Variants in MCTP1 observed in about 807,000 individuals in gnomAD.
MCTP1 encodes the protein multiple C2 and transmembrane domain-containing protein 1.
Under a neutral mutation model 120.6 loss-of-function variants are expected in MCTP1, and 69 were observed. The ratio of observed to expected loss-of-function variants is 0.57; its 90% CI spans 0.47 to 0.70. The LOEUF (loss-of-function observed/expected upper bound fraction) is 0.70. Ranked by LOEUF, MCTP1 falls within the 30% of genes least tolerant of loss-of-function variation. The pLI, the probability that MCTP1 is intolerant of heterozygous loss-of-function variation, is 0.00. For synonymous variants in MCTP1, 529 were observed against 493.1 expected, an observed-to-expected ratio of 1.07 and a Z score of -0.96; for missense variants, 1,203 against 1,248.8, an observed-to-expected ratio of 0.96 and a Z score of 0.55.
chr5:95,243,893 G>C (rs1756450639), intron 1 of MCTP1, among the ~76,000 whole-genome samples: 1 of 152,174 alleles, frequency 6.6e-6, no homozygotes, highest in Non-Finnish European at 1.5e-5. Flanking sequence ...CAAGACAATG[G>C]TGATACCATT....
At chr5:94,902,954 T>C (rs1467098404) in intron 10 of MCTP1, among the ~76,000 whole-genome samples, 1 of 152,198 alleles carries the variant, frequency 6.6e-6, no homozygotes, top group East Asian at 1.9e-4. Context: ...TTTTAAAATA[T>C]TACAATGAGT....
intron 19 of MCTP1, among the ~76,000 whole-genome samples, chr5:94,733,089 A>G (rs1763439429): frequency 6.6e-6 from 1 of 152,228 alleles, no homozygotes; most frequent in South Asian, 2.1e-4. Context: ...TTATTATTTA[A>G]GCTAGTTGTG....
chr5:94,801,622 C>T (rs1781254744), intron 17 of MCTP1, among the ~76,000 whole-genome samples: 1 of 152,150 alleles, frequency 6.6e-6, no homozygotes, highest in African/African-American at 2.4e-5. Flanking sequence ...TATCCCATTG[C>T]TAAATATGAC....
At chr5:94,924,290 T>C (rs1007195084) in intron 6 of MCTP1, among the ~76,000 whole-genome samples, 6 of 152,158 alleles carry the variant, frequency 3.9e-5, no homozygotes, top group African/African-American at 1.4e-4. Context: ...TTTTAGAGTC[T>C]GATGGTTTAT....
intron 17 of MCTP1, among the ~76,000 whole-genome samples, chr5:94,839,963 C>G (rs1200695889): frequency 6.6e-6 from 1 of 152,128 alleles, no homozygotes; most frequent in Non-Finnish European, 1.5e-5. Flanking sequence ...ACTTTCGATA[C>G]CCTCAGTTCA....
chr5:95,007,840 T>C (rs1384388380), intron 2 of MCTP1, among the ~76,000 whole-genome samples: 2 of 152,214 alleles, frequency 1.3e-5, no homozygotes, highest in Non-Finnish European at 2.9e-5. Context: ...TTGCAAACTT[T>C]TCTTTAGCAA....
chr5:95,034,483 C>A (rs1397360091), intron 1 of MCTP1, among the ~76,000 whole-genome samples: 6 of 152,026 alleles, frequency 3.9e-5, no homozygotes, highest in African/African-American at 1.4e-4. Flanking sequence ...AAAGAACACT[C>A]TATTTGATAA....
intron 1 of MCTP1, among the ~76,000 whole-genome samples, chr5:95,100,276 T>TA (rs202036792): frequency 0.043 from 6,460 of 151,450 alleles, 209 homozygotes; most frequent in Middle Eastern, 0.068. Context: ...AGTATAATAA[T>TA]AAAAAAAAAT....
chr5:94,750,690 G>A (rs746968662), intron 19 of MCTP1, among the ~76,000 whole-genome samples: 4 of 152,162 alleles, frequency 2.6e-5, no homozygotes, highest in African/African-American at 4.8e-5. Context: ...ATCCTGGATC[G>A]ACAGATAGTA....
intron 17 of MCTP1, among the ~76,000 whole-genome samples, chr5:94,839,543 G>A (rs1015446478): frequency 6.6e-6 from 1 of 151,718 alleles, no homozygotes; most frequent in Non-Finnish European, 1.5e-5. Context: ...CATGAAAATG[G>A]CTCAGAATAG....
intron 1 of MCTP1, among the ~76,000 whole-genome samples, chr5:95,202,998 G>C (rs1751242490): frequency 6.6e-6 from 1 of 152,088 alleles, no homozygotes; most frequent in South Asian, 2.1e-4. Flanking sequence ...CAAAGTGCTG[G>C]GATTACAGGC....
intron 18 of MCTP1, among the ~76,000 whole-genome samples, chr5:94,781,774 C>A (rs1776620736): frequency 6.6e-6 from 1 of 152,168 alleles, no homozygotes; most frequent in Admixed American, 6.6e-5. Flanking sequence ...TGTTCTTACC[C>A]TGCACAAGTG....
At chr5:95,168,911 C>A (rs1341929107) in intron 1 of MCTP1, among the ~76,000 whole-genome samples, 1 of 152,086 alleles carries the variant, frequency 6.6e-6, no homozygotes, top group Non-Finnish European at 1.5e-5. Flanking sequence ...CCTGATTGCC[C>A]TGGCCAGAAC....
intron 1 of MCTP1, among the ~76,000 whole-genome samples, chr5:95,057,917 A>G (rs1196141983): frequency 1.3e-5 from 2 of 152,196 alleles, no homozygotes; most frequent in Admixed American, 1.3e-4. Flanking sequence ...CTCCGTCTCC[A>G]TTTCATAGAA....
chr5:94,841,936 C>G (rs1240616458), intron 17 of MCTP1, among the ~76,000 whole-genome samples: 1 of 152,130 alleles, frequency 6.6e-6, no homozygotes, highest in Non-Finnish European at 1.5e-5. Flanking sequence ...GAAAAACACC[C>G]CCAAGGAGAT....
Position 94,898,983 on chromosome 5 carries a change from AGCT to A in MCTP1, c.1653-4151_1653-4149del, listed in dbSNP as rs1804795987. 4.6e-5 allele frequency among the ~76,000 whole-genome samples: 7 copies of A among 152,342 alleles called. No homozygotes were observed. The South Asian group carries it at 1.2e-3, about 27-fold the overall frequency. On this transcript the variant is annotated intron_variant, in intron 10 of 22. Coordinates refer to ENST00000515393, the MANE Select transcript of MCTP1 (RefSeq NM_024717.7). The stretch of plus-strand genomic sequence containing the variant: ...TTCTTTGCAATTCCACAAATCAAAA[AGCT>A]AAGAGAACAAAATTATCTTATAGGC...
At chr5:94,892,085 G>GAT (rs1443369371) in intron 11 of MCTP1, among the ~76,000 whole-genome samples, 1 of 152,088 alleles carries the variant, frequency 6.6e-6, no homozygotes, top group African/African-American at 2.4e-5. Flanking sequence ...TCTATTACGG[G>GAT]AGAGGCAATA....
intron 17 of MCTP1, among the ~76,000 whole-genome samples, chr5:94,842,242 CT>C (rs559695508): frequency 2.6e-5 from 4 of 152,220 alleles, no homozygotes; most frequent in Admixed American, 2.6e-4. Context: ...GTGCTAAGGT[CT>C]TTTTTTCCCC....
intron 1 of MCTP1, among the ~76,000 whole-genome samples, chr5:95,195,409 G>T (rs1225462348): frequency 1.3e-5 from 2 of 152,128 alleles, no homozygotes; most frequent in African/African-American, 4.8e-5. Flanking sequence ...GGAGACCAGG[G>T]GTACTGTGAC....
Sources: allele counts gnomAD v4.1 joint callset (sites outside exome capture counted in the v4.1 genomes callset), GRCh38; gene constraint gnomAD v4.1.1; transcripts MANE v1.5; gene names NCBI Gene and HGNC (gene_info 2026-07-23, HGNC 2026-07-21).